The following USP35 variants were observed in gnomAD, a reference collection of about 807,000 sequenced individuals.
The protein encoded by USP35 is ubiquitin specific peptidase 35.
A neutral mutation model predicts 83.8 loss-of-function variants in USP35; 69 were observed. That is an observed-to-expected ratio of 0.82 (90% CI 0.68 to 1.01). The LOEUF (loss-of-function observed/expected upper bound fraction) is 1.01, where lower values mean the gene tolerates loss of function less well. Ranked by LOEUF, USP35 falls within the 50% of genes least tolerant of loss-of-function variation. USP35 has a pLI of 0.00. For synonymous variants in USP35, 714 were observed against 589.5 expected (o/e 1.21, Z -3.06); for missense variants, 1,503 against 1,362.5 (o/e 1.10, Z -1.62).
intron 8 of USP35, 124 bp downstream of exon 8, chr11:78,207,747 C>T (rs528340721): frequency 4.1e-4 from 415 of 1,022,750 alleles, no homozygotes; most frequent in Non-Finnish European, 4.9e-4. Context: ...AGTTGCTGAG[C>T]CCCTGGCCGG....
chr11:78,200,133 GT>G lies in USP35; in HGVS notation c.941del (p.Phe314SerfsTer22). 6.2e-7 allele frequency: 1 copy of G among 1,614,216 alleles called. No individual in the cohort carries two copies. ...CTCCTGACCAGGGACTCTCTTGTAG[GT>G]TTTCTCTAAGCTGCTGTACCCCATC... ...IEVSLTKIEK[V>X]FSKLLYPIVR... On this transcript the variant is annotated frameshift_variant and splice_region_variant, in exon 5 of 11. Coordinates refer to ENST00000529308, the MANE Select transcript of USP35 (RefSeq NM_020798.4). LOFTEE classifies it high-confidence loss of function.
At chr11:78,226,812 G>T in the USP35 span, 1 of 1,613,980 alleles carries the variant, frequency 6.2e-7, no homozygotes, top group African/African-American at 1.3e-5. Context: ...CTCATTATCT[G>T]TCTCGGAGCC....
Position 78,208,959 on chromosome 11 carries a change from G to T in USP35, c.1588G>T (p.Asp530Tyr). Residue 530 changes from aspartate to tyrosine, a missense_variant, in exon 9 of 11, where the codon GAT (aspartate) becomes TAT (tyrosine). By Grantham distance (160) the Asp-to-Tyr change is radical. Coordinates refer to ENST00000529308, the MANE Select transcript of USP35 (RefSeq NM_020798.4). ...DCSEYLKYLL[D>Y]RLHEEEKTGT... ...CTCGGAGTATCTGAAGTACCTGCTG[G>T]ATCGGTAAGGGGGCCAGGGCTACGC... 1.2e-6 allele frequency: 2 copies of T among 1,614,124 alleles called. No individual in the cohort carries two copies. The highest frequency in any genetic ancestry group is 1.1e-5 in the South Asian group (1 of 91,084).
At chr11:78,191,186 G>C (rs1245498765) in intron 1 of USP35, among the ~76,000 whole-genome samples, 1 of 152,132 alleles carries the variant, frequency 6.6e-6, no homozygotes, top group Non-Finnish European at 1.5e-5. Context: ...CACACAGGGT[G>C]CTTTGGGGTG....
chr11:78,203,000 CAG>C (rs1863403642), intron 6 of USP35, among the ~76,000 whole-genome samples: 1 of 152,060 alleles, frequency 6.6e-6, no homozygotes, highest in African/African-American at 2.4e-5. Context: ...AAGGTGCAGG[CAG>C]AGAGGAGGGA....
chr11:78,208,860 C>T lies in USP35; in HGVS notation c.1489C>T (p.Pro497Ser), dbSNP rs1304608323. ...CCTTTCGCCTGCCTTGTCCTAGCGG[C>T]CTGCCATTTCCCCAGAGAACTTCCT... ...LFGFLEHSQR[P>S]AISPENFLSA... Residue 497 changes from proline (P) to serine (S), a missense_variant, in exon 9 of 11, where the codon CCT becomes TCT. By Grantham distance (74) the Pro-to-Ser change is moderately conservative. Transcript: ENST00000529308. 2.5e-6 allele frequency: 4 copies of T among 1,614,096 alleles called. No individual in the cohort carries two copies. The highest frequency in any genetic ancestry group is 4.5e-5 in the East Asian group (2 of 44,898).
chr11:78,209,624 A>T lies in USP35; in HGVS notation c.1769A>T (p.Glu590Val). The T allele has an allele frequency of 6.2e-7, 1 of 1,613,952 alleles. No individual in the cohort carries two copies. The highest frequency in any genetic ancestry group is 8.5e-7 in the Non-Finnish European group (1 of 1,179,964). The change falls in exon 10 of 11, where the codon GAG (glutamate) becomes GTG (valine). Residue 590 changes from glutamate (E) to valine (V), a missense_variant. Physicochemically the swap from Glu to Val is moderately radical, Grantham distance 121. Transcript: ENST00000529308. ...CLCCLNVSSR[E>V]EAFTDLSLAF... ...TGCTGCCTCAACGTCTCCTCCCGGG[A>T]GGAGGCCTTCACGGACCTCTCTCTC...
At chr11:78,208,750 A>C (rs1255350360) in intron 8 of USP35, 107 bp from the exon 9 acceptor site, 1 of 1,240,950 alleles carries the variant, frequency 8.1e-7, no homozygotes, top group African/African-American at 1.5e-5. Context: ...GAGGCCAGGA[A>C]GTTTGAGGCC....
Position 78,213,810 on chromosome 11 carries a change from C to A in USP35, c.3054C>A (p.Phe1018Leu). 2 of 1,553,732 alleles carry A rather than the reference C, an allele frequency of 1.3e-6. No individual in the cohort carries two copies. The highest frequency in any genetic ancestry group is 1.7e-6 in the Non-Finnish European group (2 of 1,157,938). ...GNGGDFHRLVF is the reference protein window; with the variant it reads ...GNGGDFHRLVL ...GTGGTGACTTCCACAGACTGGTCTT[C>A]TAATGTGAACCTGCTGCCAACCTGA... Residue 1018 changes from phenylalanine to leucine, a missense_variant, in exon 11 of 11, where the codon TTC becomes TTA. Physicochemically the swap from Phe to Leu is conservative, Grantham distance 22. Coordinates refer to ENST00000529308, the MANE Select transcript of USP35 (RefSeq NM_020798.4).
intron 6 of USP35, among the ~76,000 whole-genome samples, chr11:78,204,839 AG>A (rs767953394): frequency 5.3e-5 from 8 of 152,164 alleles, no homozygotes; most frequent in Non-Finnish European, 8.8e-5. Context: ...TGATCCTGGG[AG>A]GTGAATGAGC....
At position 78,213,702 on chromosome 11, in the gene USP35, T is replaced by G. The variant is rs766558608; in HGVS notation, c.2946T>G (p.Ser982=). Residue 982 remains serine, a synonymous_variant, in exon 11 of 11, where the codon TCT becomes TCG. Coordinates refer to ENST00000529308, the MANE Select transcript of USP35 (RefSeq NM_020798.4). ...CCTACATCTCTGCACTCCCCACATC[T>G]CCGCACTGGGGGAGGGGCTTTGATG... ...RAAYISALPT[S]PHWGRGFDED... 1 of 1,531,176 alleles carries G rather than the reference T, an allele frequency of 6.5e-7. No homozygotes were observed. The highest frequency in any genetic ancestry group is 1.3e-5 in the South Asian group (1 of 77,478). 94.8% of individuals were successfully genotyped at this position (1,531,176 alleles called of 1,614,324 possible). A position where few individuals can be genotyped will look rare whatever the true frequency, so the allele number is the denominator to read the frequency against.
intron 9 of USP35, among the ~76,000 whole-genome samples, chr11:78,209,236 TC>T (rs370238595): frequency 2.2e-4 from 34 of 152,250 alleles, no homozygotes; most frequent in African/African-American, 8.2e-4. Flanking sequence ...ATTACATAGC[TC>T]CAGCAAGTCT....
chr11:78,208,894 C>G lies in USP35; in HGVS notation c.1523C>G (p.Ser508Cys). 1 of 1,614,218 alleles carries G rather than the reference C, an allele frequency of 6.2e-7. No individual in the cohort carries two copies. Among genetic ancestry groups the G allele is most frequent in the East Asian group, 2.2e-5 (1 of 44,886 alleles). Residue 508 changes from serine (S) to cysteine (C), a missense_variant, in exon 9 of 11, where the codon TCC becomes TGC. Coordinates refer to ENST00000529308, the MANE Select transcript of USP35 (RefSeq NM_020798.4). ...AISPENFLSASWTPWFSPGTQ... is the reference protein window; with the variant it reads ...AISPENFLSACWTPWFSPGTQ... ...TCCCCAGAGAACTTCCTCTCCGCATCCTGGACGCCCTGGTTCAGCCCTGGC... is the reference window on the plus strand; with the variant it reads ...TCCCCAGAGAACTTCCTCTCCGCATGCTGGACGCCCTGGTTCAGCCCTGGC...
Position 78,197,932 on chromosome 11 carries a change from C to G in USP35, c.674-4C>G, listed in dbSNP as rs1414333797. 1 of 1,613,840 alleles carries G rather than the reference C, an allele frequency of 6.2e-7. No individual in the cohort carries two copies. Among genetic ancestry groups the G allele is most frequent in the East Asian group, 2.2e-5 (1 of 44,876 alleles). ...GCTAAGCTCAGCCCTGTCCCCTGTTCCAGAGGAGGAGCCACCATCTAGCGC... is the reference window on the plus strand; with the variant it reads ...GCTAAGCTCAGCCCTGTCCCCTGTTGCAGAGGAGGAGCCACCATCTAGCGC... On this transcript the variant is annotated splice_polypyrimidine_tract_variant and splice_region_variant and intron_variant, in intron 2 of 10. Coordinates refer to ENST00000529308, the MANE Select transcript of USP35 (RefSeq NM_020798.4).
chr11:78,224,582 TG>T, the USP35 span, among the ~76,000 whole-genome samples: 24 of 152,344 alleles, frequency 1.6e-4, no homozygotes, highest in African/African-American at 5.8e-4. Context: ...GCTTCTGCCT[TG>T]GTTACCTGAT....
chr11:78,207,978 C>T (rs138999065), intron 8 of USP35, among the ~76,000 whole-genome samples: 5 of 152,120 alleles, frequency 3.3e-5, no homozygotes, highest in Admixed American at 3.3e-4. Flanking sequence ...GCTGGGAGGC[C>T]CAAGATCGAG....
intron 10 of USP35, among the ~76,000 whole-genome samples, chr11:78,212,474 G>A (rs1226844724): frequency 2.0e-5 from 3 of 152,194 alleles, no homozygotes; most frequent in East Asian, 3.8e-4. Flanking sequence ...TTCTGTGAAT[G>A]TGAATGGTAG....
intron 4 of USP35, 136 bp downstream of exon 4, chr11:78,199,860 C>T: frequency 7.3e-7 from 1 of 1,368,768 alleles, no homozygotes; most frequent in Non-Finnish European, 1.0e-6. Context: ...TTCACTGCCC[C>T]TCTCTGGGCC....
In USP35 at chr11:78,196,599, C is replaced by T; in HGVS notation, c.354C>T (p.Asp118=). 7.9e-7 allele frequency: 1 copy of T among 1,269,044 alleles called. No homozygotes were observed. Among genetic ancestry groups the T allele is most frequent in the Non-Finnish European group, 9.9e-7 (1 of 1,007,864 alleles). The allele number at this position is 1,269,044 out of a possible 1,614,324, so 78.6% of individuals were successfully genotyped here. A position where few individuals can be genotyped will look rare whatever the true frequency, so the allele number is the denominator to read the frequency against. The part of the protein sequence containing the change: ...LQLLPEGPAA[D]EVFALLRREV... ...TGCTGCCCGAGGGGCCTGCGGCCGACGAGGTGTTCGCGCTGCTGCGGCGCG... is the reference window on the plus strand; with the variant it reads ...TGCTGCCCGAGGGGCCTGCGGCCGATGAGGTGTTCGCGCTGCTGCGGCGCG... Residue 118 remains aspartate (D), a synonymous_variant, in exon 2 of 11, where the codon GAC becomes GAT. Transcript: ENST00000529308. This position sits in a 1 kb window ranked among gnomAD's most constrained non-coding sequence, Gnocchi z 4.8.
Sources: gnomAD v4.1 joint callset for allele counts (sites outside exome capture counted in the v4.1 genomes callset) on GRCh38, gnomAD v4.1.1 for gene constraint, Gnocchi (gnomAD v3.1) non-coding constraint, MANE v1.5 for transcripts, NCBI Gene and HGNC (gene_info 2026-07-23, HGNC 2026-07-21) for gene names.